Variants in GNG7 observed in about 807,000 individuals in gnomAD.
The protein encoded by GNG7 is guanine nucleotide-binding protein G(I)/G(S)/G(O) subunit gamma-7.
GNG7 carries 1 observed loss-of-function variant against 4.0 expected under a neutral mutation model. The ratio of observed to expected loss-of-function variants is 0.25; its 90% CI spans 0.09 to 1.18. The LOEUF (loss-of-function observed/expected upper bound fraction) is 1.18, where lower values mean the gene tolerates loss of function less well. Ranked by LOEUF, GNG7 falls within the 50% of genes most tolerant of loss-of-function variation. The pLI, the probability that GNG7 is intolerant of heterozygous loss-of-function variation, is 0.50. For missense variants in GNG7, 86 were observed against 91.9 expected (o/e 0.94, Z 0.26); for synonymous variants, 34 against 36.9 (o/e 0.92, Z 0.29).
chr19:2,553,736 C>A (rs1487751297), intron 3 of GNG7, among the ~76,000 whole-genome samples: 2 of 148,506 alleles, frequency 1.3e-5, no homozygotes, highest in Non-Finnish European at 3.0e-5. Context: ...GTACATATTA[C>A]ATGCAATATA....
intron 2 of GNG7, among the ~76,000 whole-genome samples, chr19:2,636,665 C>T (rs1210705387): frequency 6.6e-6 from 1 of 152,174 alleles, no homozygotes; most frequent in Non-Finnish European, 1.5e-5. Flanking sequence ...CACCCAGGGA[C>T]CGCCTCTGGT....
At chr19:2,538,824 A>G (rs751211722) in intron 3 of GNG7, 18 of 339,374 alleles carry the variant, frequency 5.3e-5, no homozygotes, top group South Asian at 9.7e-5. Context: ...GCTGGAGTGC[A>G]GTGGCGCAAT....
At chr19:2,621,334 G>A (rs953098465) in intron 2 of GNG7, among the ~76,000 whole-genome samples, 1 of 151,890 alleles carries the variant, frequency 6.6e-6, no homozygotes, top group African/African-American at 2.4e-5. Context: ...GGGCTGCAGT[G>A]AGCTATGATG....
intron 2 of GNG7, among the ~76,000 whole-genome samples, chr19:2,621,568 G>A (rs1164929784): frequency 4.6e-5 from 7 of 151,156 alleles, no homozygotes; most frequent in Non-Finnish European, 8.9e-5. Flanking sequence ...GTGTTGGTGC[G>A]CGCCTGTAAT....
chr19:2,547,712 A>G (rs1389348720), intron 3 of GNG7, among the ~76,000 whole-genome samples: 1 of 152,202 alleles, frequency 6.6e-6, no homozygotes, highest in Non-Finnish European at 1.5e-5. Flanking sequence ...ACTTGGATGG[A>G]AGGGGCTGGA....
chr19:2,676,212 C>T (rs752280264), intron 1 of GNG7, among the ~76,000 whole-genome samples: 1 of 152,258 alleles, frequency 6.6e-6, no homozygotes, highest in African/African-American at 2.4e-5. Flanking sequence ...TCTCAGACTT[C>T]TGGCTTCTAG....
chr19:2,696,627 C>T (rs189718153), intron 1 of GNG7, among the ~76,000 whole-genome samples: 5 of 152,338 alleles, frequency 3.3e-5, no homozygotes, highest in Admixed American at 3.3e-4. Flanking sequence ...CACGACTCAG[C>T]CCTGAAAAGG....
chr19:2,702,525 C>G (rs1011001843), intron 1 of GNG7, 121 bp downstream of exon 1: 2 of 152,296 alleles, frequency 1.3e-5, no homozygotes, highest in African/African-American at 4.8e-5. Context: ...ACCCAGCCCC[C>G]CTCCTCAGCC....
At chr19:2,568,306 CAT>C (rs1203624510) in intron 2 of GNG7, among the ~76,000 whole-genome samples, 3 of 149,842 alleles carry the variant, frequency 2.0e-5, no homozygotes, top group Non-Finnish European at 3.0e-5. Context: ...CACGCACACA[CAT>C]ACACACGCAC....
intron 2 of GNG7, among the ~76,000 whole-genome samples, chr19:2,599,755 G>A (rs867953660): frequency 6.6e-6 from 1 of 151,916 alleles, no homozygotes; most frequent in Non-Finnish European, 1.5e-5. Context: ...TGGGCAATAC[G>A]GCGAAACCCC....
chr19:2,688,982 T>C (rs1913069273), intron 1 of GNG7, among the ~76,000 whole-genome samples: 1 of 151,872 alleles, frequency 6.6e-6, no homozygotes, highest in African/African-American at 2.4e-5. Flanking sequence ...GGAGGATCGC[T>C]TGAGCCCAGG....
At position 2,614,978 on chromosome 19, in the gene GNG7, G is replaced by A. The variant is rs1299281186; in HGVS notation, c.-78+31246C>T. Among the ~76,000 whole-genome samples, 1 of 152,160 alleles carries A rather than the reference G, an allele frequency of 6.6e-6. No homozygotes were observed. The highest frequency in any genetic ancestry group is 1.5e-5 in the Non-Finnish European group (1 of 68,028). ...GGAGGCAGGCAGCTGATTGTTGAAG[G>A]TCACCCCGTAGCCATTGGCAGAGCC... On this transcript the variant is annotated intron_variant, in intron 2 of 4. Coordinates refer to ENST00000382159, the MANE Select transcript of GNG7 (RefSeq NM_052847.3). The surrounding 1 kb of genome is among the most constrained non-coding windows in gnomAD (Gnocchi z 6.0).
intron 1 of GNG7, among the ~76,000 whole-genome samples, chr19:2,650,037 C>T (rs1982768972): frequency 6.6e-6 from 1 of 152,106 alleles, no homozygotes; most frequent in Non-Finnish European, 1.5e-5. Flanking sequence ...GTCAAAGACT[C>T]GCTCCTTTCC....
intron 3 of GNG7, among the ~76,000 whole-genome samples, chr19:2,521,021 T>C (rs1479159305): frequency 1.3e-5 from 2 of 151,438 alleles, no homozygotes; most frequent in African/African-American, 4.9e-5. Context: ...TTTGGGAGGC[T>C]GAGGCAGGTG....
chr19:2,534,155 G>A (rs1028813418), intron 3 of GNG7, among the ~76,000 whole-genome samples: 2 of 152,012 alleles, frequency 1.3e-5, no homozygotes, highest in African/African-American at 2.4e-5. Flanking sequence ...ATCCTCATCC[G>A]CTGTGACTGG....
intron 1 of GNG7, among the ~76,000 whole-genome samples, chr19:2,662,206 G>A (rs1983197368): frequency 6.9e-6 from 1 of 145,930 alleles, no homozygotes; most frequent in Non-Finnish European, 1.5e-5. Flanking sequence ...GCTGCAGTGA[G>A]CAGAGATTGC....
At chr19:2,701,822 C>G (rs913736190) in intron 1 of GNG7, among the ~76,000 whole-genome samples, 1 of 151,448 alleles carries the variant, frequency 6.6e-6, no homozygotes, top group African/African-American at 2.4e-5. Flanking sequence ...ACCCCCAACA[C>G]CATCCCCAGC....
In GNG7 at chr19:2,608,545, C is replaced by T. The variant is rs547743208; in HGVS notation, c.-78+37679G>A. On this transcript the variant is annotated intron_variant, in intron 2 of 4. Transcript: ENST00000382159. ...CAGATGCAGGCACACCTGTGCCTCT[C>T]GAGTCATCTGCAGAGTCACGAGACC... 3.6e-3 allele frequency among the ~76,000 whole-genome samples: 549 copies of T among 152,332 alleles called. 4 individuals are homozygous for T. The highest frequency in any genetic ancestry group is 5.1e-3 in the Non-Finnish European group (350 of 68,026).
chr19:2,551,142 C>T (rs1453459456), intron 3 of GNG7, among the ~76,000 whole-genome samples: 1 of 152,228 alleles, frequency 6.6e-6, no homozygotes, highest in Admixed American at 6.5e-5. Context: ...ACGCTGCCAT[C>T]AGCCAGCACT....
Sources: gnomAD v4.1 joint callset for allele counts (sites outside exome capture counted in the v4.1 genomes callset) on GRCh38, gnomAD v4.1.1 for gene constraint, Gnocchi (gnomAD v3.1) non-coding constraint, MANE v1.5 for transcripts, NCBI Gene and HGNC (gene_info 2026-07-23, HGNC 2026-07-21) for gene names.